ALOX5: variants seen among roughly 807,000 people sequenced by gnomAD.
ALOX5 encodes arachidonate 5-lipoxygenase.
ALOX5 carries 64 observed loss-of-function variants against 87.9 expected under a neutral mutation model. That is an observed-to-expected ratio of 0.73 (90% CI 0.60 to 0.90). The LOEUF is 0.90. Ranked by LOEUF, ALOX5 falls within the 40% of genes least tolerant of loss-of-function variation. The pLI is 0.00. For synonymous variants in ALOX5, 388 were observed against 355.1 expected (o/e 1.09, Z -1.04); for missense variants, 822 against 907.5 (o/e 0.91, Z 1.21).
At chr10:45,381,495 G>C (rs1036456274) in intron 1 of ALOX5, among the ~76,000 whole-genome samples, 3 of 152,230 alleles carry the variant, frequency 2.0e-5, no homozygotes, top group Admixed American at 6.5e-5. Flanking sequence ...GAGCCTCGCT[G>C]TCTTCATCTG....
intron 2 of ALOX5, among the ~76,000 whole-genome samples, chr10:45,386,551 A>G (rs1006697286): frequency 2.0e-5 from 3 of 151,998 alleles, no homozygotes; most frequent in African/African-American, 4.8e-5. Flanking sequence ...GCAACTTAAC[A>G]GAACAATTTT....
Position 45,428,607 on chromosome 10 carries a change from G to A in ALOX5, c.835-11G>A. The A allele has an allele frequency of 6.2e-7, 1 of 1,613,902 alleles. No homozygotes were observed. Among genetic ancestry groups the A allele is most frequent in the Non-Finnish European group, 8.5e-7 (1 of 1,179,960 alleles). On this transcript the variant is annotated splice_polypyrimidine_tract_variant and intron_variant, in intron 6 of 13. Coordinates refer to ENST00000374391, the MANE Select transcript of ALOX5 (RefSeq NM_000698.5). ...GAGCCTGATTTGGACACATCTCTCT[G>A]CCTCCTGCAGCAAGGGAACATTTTC...
intron 7 of ALOX5, among the ~76,000 whole-genome samples, chr10:45,435,968 C>A (rs1299820223): frequency 2.0e-5 from 3 of 152,144 alleles, no homozygotes; most frequent in Non-Finnish European, 2.9e-5. Flanking sequence ...TTAATAATAG[C>A]CATTCTGACT....
chr10:45,423,354 G>A (rs1477427340), intron 4 of ALOX5, among the ~76,000 whole-genome samples: 1 of 152,172 alleles, frequency 6.6e-6, no homozygotes, highest in African/African-American at 2.4e-5. Flanking sequence ...TGAACACTGG[G>A]CAGCACTCCC....
At chr10:45,434,141 G>A (rs1467740538) in intron 7 of ALOX5, among the ~76,000 whole-genome samples, 1 of 152,206 alleles carries the variant, frequency 6.6e-6, no homozygotes, top group Non-Finnish European at 1.5e-5. Flanking sequence ...GGGGCTGGGG[G>A]GCTACAGTGC....
intron 9 of ALOX5, among the ~76,000 whole-genome samples, chr10:45,441,743 ACCT>A (rs1299431887): frequency 2.0e-5 from 3 of 147,416 alleles, no homozygotes; most frequent in African/African-American, 7.6e-5. Context: ...TGGCCCCCTG[ACCT>A]CCTACGCACC....
chr10:45,444,693 C>T (rs182107759), intron 13 of ALOX5: 20 of 192,818 alleles, frequency 1.0e-4, no homozygotes, highest in Admixed American at 8.1e-4. Flanking sequence ...TGGATGCACC[C>T]GCTTTGGGGT....
At chr10:45,378,979 G>A (rs947973925) in intron 1 of ALOX5, among the ~76,000 whole-genome samples, 88 of 152,162 alleles carry the variant, frequency 5.8e-4, no homozygotes, top group African/African-American at 2.1e-3. Context: ...GTGCCTGCAG[G>A]TGTAGGTAGG....
intron 3 of ALOX5, among the ~76,000 whole-genome samples, chr10:45,405,042 C>T (rs59051493): frequency 0.023 from 3,447 of 152,292 alleles, 129 homozygotes; most frequent in African/African-American, 0.078. Context: ...ATTTACTTAG[C>T]CATTCCCCTA....
At chr10:45,410,279 G>A (rs1841025112) in intron 3 of ALOX5, among the ~76,000 whole-genome samples, 1 of 152,222 alleles carries the variant, frequency 6.6e-6, no homozygotes, top group Non-Finnish European at 1.5e-5. Flanking sequence ...TATTGGAGAT[G>A]CCTTGAGTCA....
At chr10:45,392,602 C>G (rs931053727) in intron 2 of ALOX5, among the ~76,000 whole-genome samples, 9 of 151,904 alleles carry the variant, frequency 5.9e-5, no homozygotes, top group African/African-American at 2.2e-4. Context: ...CCTAGGAAAA[C>G]CAGAGACCTT....
intron 1 of ALOX5, among the ~76,000 whole-genome samples, chr10:45,374,768 G>C (rs955670912): frequency 1.3e-5 from 2 of 152,200 alleles, no homozygotes; most frequent in Non-Finnish European, 2.9e-5. Context: ...GGGCTCCGAG[G>C]CTCCGGAGCC....
chr10:45,443,348 G>T, intron 10 of ALOX5, 68 bp from the exon 11 acceptor site: 8 of 1,591,508 alleles, frequency 5.0e-6, no homozygotes, highest in Non-Finnish European at 6.9e-6. Context: ...TCCGTGAGGG[G>T]GTTGCCGCCG....
intron 13 of ALOX5, 192 bp downstream of exon 13, chr10:45,444,478 G>A: frequency 1.3e-6 from 1 of 750,232 alleles, no homozygotes; most frequent in Non-Finnish European, 2.1e-6. Context: ...AGCTCAGGGT[G>A]TGCAGGGCAG....
chr10:45,413,699 G>T (rs1243694155), intron 4 of ALOX5, among the ~76,000 whole-genome samples: 2 of 152,152 alleles, frequency 1.3e-5, no homozygotes, highest in Non-Finnish European at 2.9e-5. Context: ...AAACCCCATC[G>T]TCTCAGCCCA....
intron 7 of ALOX5, among the ~76,000 whole-genome samples, chr10:45,433,230 G>C (rs939494078): frequency 8.5e-5 from 13 of 152,208 alleles, no homozygotes; most frequent in African/African-American, 3.1e-4. Flanking sequence ...ATAACTGGTG[G>C]GCCTGGGCAG....
At chr10:45,409,482 A>C (rs1840987637) in intron 3 of ALOX5, among the ~76,000 whole-genome samples, 1 of 150,854 alleles carries the variant, frequency 6.6e-6, no homozygotes, top group Non-Finnish European at 1.5e-5. Flanking sequence ...TACTAACTGC[A>C]TCCCCTTAGG....
intron 4 of ALOX5, among the ~76,000 whole-genome samples, chr10:45,413,211 G>A (rs910216222): frequency 2.6e-5 from 4 of 152,062 alleles, no homozygotes; most frequent in Non-Finnish European, 4.4e-5. Flanking sequence ...CTGGCAAACC[G>A]AATCCAGCAG....
intron 7 of ALOX5, among the ~76,000 whole-genome samples, chr10:45,437,972 C>T (rs1382982443): frequency 1.3e-5 from 2 of 152,194 alleles, no homozygotes; most frequent in African/African-American, 2.4e-5. Flanking sequence ...CTTGCAGTAC[C>T]GAGGAACAAG....
Sources: allele counts gnomAD v4.1 joint callset (sites outside exome capture counted in the v4.1 genomes callset), GRCh38; gene constraint gnomAD v4.1.1; transcripts MANE v1.5; gene names NCBI Gene and HGNC (gene_info 2026-07-23, HGNC 2026-07-21).